Variants in CCDC180 observed in about 807,000 individuals in gnomAD.
CCDC180 encodes coiled-coil domain containing 180, also known as coiled-coil domain-containing protein 180.
A neutral mutation model predicts 209.2 loss-of-function variants in CCDC180; 154 were observed. The ratio of observed to expected loss-of-function variants is 0.74; its 90% CI spans 0.65 to 0.84. The LOEUF is 0.84. Ranked by LOEUF, CCDC180 falls within the 40% of genes least tolerant of loss-of-function variation. CCDC180 has a pLI of 0.00. For missense variants in CCDC180, 1,874 were observed against 1,997.3 expected (o/e 0.94, Z 1.18); for synonymous variants, 778 against 749.1 (o/e 1.04, Z -0.63).
Position 97,320,083 on chromosome 9 carries a change from G to T in CCDC180, c.1080-43G>T, listed in dbSNP as rs374439794. 2.0e-6 allele frequency: 3 copies of T among 1,508,680 alleles called. No individual in the cohort carries two copies. The South Asian group carries it at 3.4e-5, about 17-fold the overall frequency. The allele number at this position is 1,508,680 out of a possible 1,614,324, so 93.5% of individuals were successfully genotyped here. A position where few individuals can be genotyped will look rare whatever the true frequency, so the allele number is the denominator to read the frequency against. On this transcript the variant is annotated intron_variant, in intron 10 of 36. Transcript: ENST00000529487. Reference sequence around the variant, plus strand: ...ATGCTACCCATTTTGGTGAGTAAACGGTTTGTTCCTGTGTGGCTTACTTGC... The same window carrying T: ...ATGCTACCCATTTTGGTGAGTAAACTGTTTGTTCCTGTGTGGCTTACTTGC...
intron 29 of CCDC180, 111 bp from the exon 30 acceptor site, chr9:97,365,562 A>G: frequency 2.2e-6 from 2 of 909,304 alleles, no homozygotes; most frequent in Non-Finnish European, 3.6e-6. Flanking sequence ...AGTAATTTCA[A>G]GGAGTGTCAC....
intron 29 of CCDC180, chr9:97,365,428 G>T: frequency 2.1e-6 from 1 of 474,092 alleles, no homozygotes; most frequent in Non-Finnish European, 3.8e-6. Context: ...AAGCCAGGTG[G>T]TCAGAAATTG....
intron 14 of CCDC180, 56 bp from the exon 15 acceptor site, chr9:97,326,498 C>A: frequency 9.5e-7 from 1 of 1,053,714 alleles, no homozygotes; most frequent in Non-Finnish European, 1.5e-6. Context: ...GTCACTTACA[C>A]TCTGTGAGCA....
upstream of CCDC180, chr9:97,307,582 T>C: frequency 1.5e-6 from 1 of 680,824 alleles, no homozygotes. Context: ...CTCCTCCCTG[T>C]GTCCCATGGA....
chr9:97,335,329 T>C (rs1825868826), intron 18 of CCDC180, among the ~76,000 whole-genome samples: 1 of 150,946 alleles, frequency 6.6e-6, no homozygotes, highest in African/African-American at 2.4e-5. Context: ...CCCTCCCCCA[T>C]TCCCCCACCC....
Position 97,314,675 on chromosome 9 carries a change from A to T in CCDC180, c.646A>T (p.Ile216Phe). 1 of 1,613,964 alleles carries T rather than the reference A, an allele frequency of 6.2e-7. No homozygotes were observed. The highest frequency in any genetic ancestry group is 1.1e-5 in the South Asian group (1 of 91,080). The change falls in exon 7 of 37, where the codon ATT becomes TTT. Residue 216 changes from isoleucine (I) to phenylalanine (F), a missense_variant. Transcript: ENST00000529487. The stretch of plus-strand genomic sequence containing the variant: ...GCGGTTACTGCTCCGGAAGCAGGAG[A>T]TTAAGGAGCTGGATGAGGCCCTGCA... ...AGRLLLRKQEIKELDEALHSL... is the reference protein window; with the variant it reads ...AGRLLLRKQEFKELDEALHSL...
At chr9:97,358,958 C>T (rs1826671098) in intron 25 of CCDC180, among the ~76,000 whole-genome samples, 1 of 152,176 alleles carries the variant, frequency 6.6e-6, no homozygotes, top group Admixed American at 6.5e-5. Context: ...TTGAAAAAAG[C>T]GTAAACACCC....
At chr9:97,332,618 T>C (rs112205501) in intron 18 of CCDC180, among the ~76,000 whole-genome samples, 1,714 of 152,280 alleles carry the variant, frequency 0.011, 51 homozygotes, top group African/African-American at 0.04. Context: ...CCTAGGTATT[T>C]TATTCTTTTT....
At chr9:97,362,781 C>T (rs764047081) in intron 28 of CCDC180, among the ~76,000 whole-genome samples, 2 of 152,214 alleles carry the variant, frequency 1.3e-5, no homozygotes, top group African/African-American at 4.8e-5. Flanking sequence ...TCAAAGTTTA[C>T]CCCACATGCA....
intron 25 of CCDC180, among the ~76,000 whole-genome samples, chr9:97,358,883 G>A (rs545724009): frequency 1.6e-4 from 24 of 152,198 alleles, no homozygotes; most frequent in South Asian, 6.2e-4. Flanking sequence ...TCTATTATTA[G>A]CACTGAGAGG....
intron 36 of CCDC180, chr9:97,375,844 G>C (rs2118040058): frequency 2.0e-6 from 1 of 502,368 alleles, no homozygotes; most frequent in East Asian, 3.2e-5. Flanking sequence ...CCAGATTAGG[G>C]GTGAAGGCTT....
intron 22 of CCDC180, 67 bp from the exon 23 acceptor site, chr9:97,354,502 G>T: frequency 1.3e-6 from 2 of 1,518,306 alleles, no homozygotes; most frequent in East Asian, 2.3e-5. Flanking sequence ...GTCAGCCACA[G>T]TATTTGGGAT....
rs1833089844 is a variant in CCDC180, at chr9:97,314,423, G to C, written c.490G>C (p.Gly164Arg). 6.2e-7 allele frequency: 1 copy of C among 1,614,112 alleles called. No individual in the cohort carries two copies. Among genetic ancestry groups the C allele is most frequent in the Admixed American group, 1.7e-5 (1 of 60,030 alleles). ...GGAACCTCTCATCGTGGACACAGGG[G>C]GACTTTTTTTGAAGAAGCTGACTGA... ...EMEPLIVDTG[G>R]LFLKKLTESD... is the part of the protein sequence containing the mutation. The change falls in exon 6 of 37, where the codon GGA becomes CGA. Residue 164 changes from glycine (G) to arginine (R), a missense_variant. By Grantham distance (125) the Gly-to-Arg change is moderately radical. Transcript: ENST00000529487.
At chr9:97,369,364 T>C (rs1263251464) in intron 31 of CCDC180, 2 of 152,268 alleles carry the variant, frequency 1.3e-5, no homozygotes, top group Non-Finnish European at 2.9e-5. Flanking sequence ...TTAAATGAGA[T>C]GAGAAGTCCG....
chr9:97,315,523 A>G (rs2118561308), intron 8 of CCDC180, among the ~76,000 whole-genome samples: 1 of 152,226 alleles, frequency 6.6e-6, no homozygotes, highest in East Asian at 1.9e-4. Context: ...AAAACACAAA[A>G]TTCAAGGTTG....
chr9:97,336,804 G>A (rs954124710), intron 18 of CCDC180, among the ~76,000 whole-genome samples: 5 of 152,314 alleles, frequency 3.3e-5, no homozygotes, highest in African/African-American at 1.2e-4. Context: ...AGGATGGAAT[G>A]TTCTTCCATT....
intron 12 of CCDC180, 139 bp from the exon 13 acceptor site, chr9:97,323,642 G>A: frequency 1.9e-6 from 2 of 1,078,614 alleles, no homozygotes; most frequent in East Asian, 2.8e-5. Flanking sequence ...ACCCTAAGGG[G>A]AACAGAATTC....
chr9:97,336,686 C>T (rs1825913248), intron 18 of CCDC180, among the ~76,000 whole-genome samples: 2 of 151,704 alleles, frequency 1.3e-5, no homozygotes, highest in African/African-American at 2.4e-5. Flanking sequence ...GTAGTTTTTT[C>T]CAATTCTGTG....
chr9:97,353,999 T>C (rs2118835804), intron 22 of CCDC180, among the ~76,000 whole-genome samples: 1 of 147,878 alleles, frequency 6.8e-6, no homozygotes, highest in African/African-American at 2.5e-5. Flanking sequence ...GGAATTCTTT[T>C]TTTTTTTTTT....
Sources: gnomAD v4.1 joint callset for allele counts (sites outside exome capture counted in the v4.1 genomes callset) on GRCh38, gnomAD v4.1.1 for gene constraint, MANE v1.5 for transcripts, NCBI Gene and HGNC (gene_info 2026-07-23, HGNC 2026-07-21) for gene names.